GALNT17: variants seen among roughly 807,000 people sequenced by gnomAD.
The protein encoded by GALNT17 is UDP-GalNAc:polypeptide N-acetylgalactosaminyltransferase-like 3.
GALNT17 carries 29 observed loss-of-function variants against 63.7 expected under a neutral mutation model. The ratio of observed to expected loss-of-function variants is 0.46; its 90% CI spans 0.34 to 0.62. The LOEUF (loss-of-function observed/expected upper bound fraction) is 0.62. GALNT17 is among the 20% of genes least tolerant of loss of function. The pLI, the probability that GALNT17 is intolerant of heterozygous loss-of-function variation, is 0.01. For synonymous variants in GALNT17, 305 were observed against 318.3 expected (o/e 0.96, Z 0.45); for missense variants, 603 against 799.6 (o/e 0.75, Z 2.97).
chr7:71,232,417 A>G (rs1789807736), intron 1 of GALNT17, among the ~76,000 whole-genome samples: 1 of 151,964 alleles, frequency 6.6e-6, no homozygotes, highest in Admixed American at 6.6e-5. Flanking sequence ...TTCCAGGGTT[A>G]CTTGTATTTT....
intron 5 of GALNT17, among the ~76,000 whole-genome samples, chr7:71,545,733 T>C (rs1389921691): frequency 6.6e-6 from 1 of 151,590 alleles, no homozygotes; most frequent in South Asian, 2.1e-4. Context: ...AGAGTTCTAA[T>C]CTTACTGTAT....
At chr7:71,407,088 G>C (rs970244475) in intron 3 of GALNT17, among the ~76,000 whole-genome samples, 2 of 152,140 alleles carry the variant, frequency 1.3e-5, no homozygotes, top group Admixed American at 6.5e-5. Flanking sequence ...TTCCATTGGG[G>C]TGGAGAGAAA....
chr7:71,454,001 T>G (rs1218660805), intron 5 of GALNT17, among the ~76,000 whole-genome samples: 3 of 152,204 alleles, frequency 2.0e-5, no homozygotes, highest in Non-Finnish European at 4.4e-5. Flanking sequence ...CCCATATACC[T>G]ATTCACACTA....
intron 6 of GALNT17, among the ~76,000 whole-genome samples, chr7:71,631,324 C>A (rs1022981920): frequency 2.0e-5 from 3 of 151,892 alleles, no homozygotes; most frequent in African/African-American, 7.3e-5. Context: ...TCCTGAGTAG[C>A]TGGTACTGAT....
chr7:71,148,973 C>T (rs974781546), intron 1 of GALNT17, among the ~76,000 whole-genome samples: 5 of 150,740 alleles, frequency 3.3e-5, no homozygotes, highest in Admixed American at 2.0e-4. Context: ...GCTCTGTCGC[C>T]TAGGCTGGAG....
At chr7:71,508,327 A>C (rs1245875315) in intron 5 of GALNT17, among the ~76,000 whole-genome samples, 2 of 152,224 alleles carry the variant, frequency 1.3e-5, no homozygotes, top group African/African-American at 4.8e-5. Flanking sequence ...TCCTGGATCT[A>C]AGCTTTGGCA....
rs530174582 is a variant in GALNT17 at position 71,622,148 on chromosome 7, G to A, written c.1081-43263G>A. On this transcript the variant is annotated intron_variant, in intron 6 of 10. Transcript: ENST00000333538. ...TAGCTTTGGAGCACACCTCACAGGG[G>A]AACAGGGACCCAGCACAAAATCTGC... Among the ~76,000 whole-genome samples, 55 of 152,316 alleles carry A rather than the reference G, an allele frequency of 3.6e-4. No homozygotes were observed. The South Asian group carries it at 0.011, about 29-fold the overall frequency.
At chr7:71,357,733 T>A (rs1467147845) in intron 2 of GALNT17, among the ~76,000 whole-genome samples, 2 of 152,040 alleles carry the variant, frequency 1.3e-5, no homozygotes, top group Admixed American at 6.6e-5. Flanking sequence ...ATGGTGAAAC[T>A]GAGAGGTGAA....
chr7:71,295,428 CTCCT>C (rs918512617), intron 1 of GALNT17, among the ~76,000 whole-genome samples: 3 of 151,708 alleles, frequency 2.0e-5, no homozygotes, highest in African/African-American at 7.3e-5. Flanking sequence ...TTCCCCTTCC[CTCCT>C]TCCTTCCTTT....
At chr7:71,572,047 C>T (rs1469716886) in intron 6 of GALNT17, among the ~76,000 whole-genome samples, 2 of 151,818 alleles carry the variant, frequency 1.3e-5, no homozygotes, top group Non-Finnish European at 2.9e-5. Flanking sequence ...TTAGTTTTTA[C>T]ATCCGCAGAT....
At chr7:71,355,731 C>T (rs1436900183) in intron 2 of GALNT17, among the ~76,000 whole-genome samples, 1 of 152,044 alleles carries the variant, frequency 6.6e-6, no homozygotes, top group East Asian at 1.9e-4. Context: ...CAGAGTTTCT[C>T]CATGTTGGCT....
chr7:71,699,596 G>A (rs746798074), intron 9 of GALNT17, among the ~76,000 whole-genome samples: 25 of 152,008 alleles, frequency 1.6e-4, no homozygotes, highest in Non-Finnish European at 2.8e-4. Flanking sequence ...GGGTAACCTC[G>A]TTAATATCAA....
chr7:71,142,960 G>T (rs201997415), intron 1 of GALNT17, among the ~76,000 whole-genome samples: 22 of 145,896 alleles, frequency 1.5e-4, no homozygotes, highest in Non-Finnish European at 2.1e-4. Context: ...AAAAAAAAAG[G>T]AATGTTACAC....
At chr7:71,283,007 G>A (rs1790804753) in intron 1 of GALNT17, among the ~76,000 whole-genome samples, 1 of 151,942 alleles carries the variant, frequency 6.6e-6, no homozygotes, top group Admixed American at 6.6e-5. Context: ...AGCCAAGGTG[G>A]GACCAGAACA....
intron 6 of GALNT17, among the ~76,000 whole-genome samples, chr7:71,605,327 C>G (rs886579730): frequency 1.3e-5 from 2 of 152,126 alleles, no homozygotes; most frequent in Non-Finnish European, 2.9e-5. Flanking sequence ...ATGGCTCACA[C>G]CCATAATCTC....
chr7:71,488,513 T>A (rs1010226127), intron 5 of GALNT17, among the ~76,000 whole-genome samples: 1 of 151,638 alleles, frequency 6.6e-6, no homozygotes, highest in Non-Finnish European at 1.5e-5. Context: ...CTGGAGGGCT[T>A]CTAACACAAT....
At chr7:71,141,840 C>CTCTGTG (rs1366380062) in intron 1 of GALNT17, among the ~76,000 whole-genome samples, 2 of 125,076 alleles carry the variant, frequency 1.6e-5, no homozygotes, top group Non-Finnish European at 3.3e-5. Flanking sequence ...CCACGTCTGG[C>CTCTGTG]TGTGTGTGTG....
intron 5 of GALNT17, among the ~76,000 whole-genome samples, chr7:71,501,586 TA>T (rs1788181435): frequency 6.6e-6 from 1 of 152,090 alleles, no homozygotes; most frequent in Admixed American, 6.6e-5. Context: ...CTTTTTGTTG[TA>T]TACAAATGGC....
chr7:71,297,244 C>T (rs1791098897), intron 1 of GALNT17, among the ~76,000 whole-genome samples: 1 of 152,268 alleles, frequency 6.6e-6, no homozygotes, highest in South Asian at 2.1e-4. Flanking sequence ...TGATCTCATA[C>T]ACCAAAAGAC....
Sources: gnomAD v4.1 joint callset for allele counts (sites outside exome capture counted in the v4.1 genomes callset) on GRCh38, gnomAD v4.1.1 for gene constraint, MANE v1.5 for transcripts, NCBI Gene and HGNC (gene_info 2026-07-23, HGNC 2026-07-21) for gene names.